Variants in PPP1R10 observed in about 807,000 individuals in gnomAD.
The protein encoded by PPP1R10 is serine/threonine-protein phosphatase 1 regulatory subunit 10.
Under a neutral mutation model 99.0 loss-of-function variants are expected in PPP1R10, and 15 were observed. The ratio of observed to expected loss-of-function variants is 0.15; its 90% confidence interval spans 0.10 to 0.23. The LOEUF is 0.23. Among genes scored for constraint, PPP1R10 ranks in the 10% least tolerant of loss-of-function variants. PPP1R10 has a pLI of 1.00. For synonymous variants in PPP1R10, 430 were observed against 449.5 expected (o/e 0.96, Z 0.55); for missense variants, 947 against 1,259.4 (o/e 0.75, Z 3.75).
chr6:30,604,284 A>AAAGTAAGC lies in PPP1R10; in HGVS notation c.1262-38_1262-31dup. 6.2e-7 allele frequency: 1 copy of AAAGTAAGC among 1,613,836 alleles called. No individual in the cohort carries two copies. The highest frequency in any genetic ancestry group is 8.5e-7 in the Non-Finnish European group (1 of 1,179,716). On this transcript the variant is annotated intron_variant, in intron 13 of 19. Coordinates refer to ENST00000376511, the MANE Select transcript of PPP1R10 (RefSeq NM_002714.4). The surrounding 1 kb of genome is among the most constrained non-coding windows in gnomAD (Gnocchi z 7.3). ...CGGCAGGGGAAGAAAAGCAAGAGGG[A>AAAGTAAGC]AAGTAAGCACAACCAAGTCCTTTCA... is the stretch of plus-strand genomic sequence containing the variant.
chr6:30,610,268 G>A (rs546188523), intron 2 of PPP1R10, among the ~76,000 whole-genome samples: 18 of 152,208 alleles, frequency 1.2e-4, no homozygotes, highest in South Asian at 2.1e-4. Flanking sequence ...TCACTAGATC[G>A]TATTAAAGCT....
rs759441488 is a variant in PPP1R10 at position 30,609,975 on chromosome 6, C to T, written c.-11-20G>A. On this transcript the variant is annotated intron_variant, in intron 2 of 19. Coordinates refer to ENST00000376511, the MANE Select transcript of PPP1R10 (RefSeq NM_002714.4). This position sits in a 1 kb window ranked among gnomAD's most constrained non-coding sequence, Gnocchi z 4.5. ...TGGTTTCTATGGTAAGAGGACAAAA[C>T]AAACAAACCCACAGAATAAATGGGT... The T allele has an allele frequency of 1.3e-6, 2 of 1,539,456 alleles. No homozygotes were observed. The highest frequency in any genetic ancestry group is 2.2e-5 in the East Asian group (1 of 44,500).
intron 2 of PPP1R10, among the ~76,000 whole-genome samples, chr6:30,615,226 TA>T (rs1374350698): frequency 7.2e-6 from 1 of 138,408 alleles, no homozygotes. Flanking sequence ...AACACCTTTT[TA>T]GTAAAAAAAA....
chr6:30,601,850 C>CT, intron 19 of PPP1R10, 86 bp downstream of exon 19: 1 of 1,431,796 alleles, frequency 7.0e-7, no homozygotes, highest in South Asian at 1.4e-5. Flanking sequence ...TTCTGCCTAG[C>CT]TACCAACAGT....
At position 30,601,562 on chromosome 6, in the gene PPP1R10, G is replaced by A; in HGVS notation, c.2810C>T (p.Pro937Leu). 2.5e-6 allele frequency: 4 copies of A among 1,614,006 alleles called. No individual in the cohort carries two copies. Among genetic ancestry groups the A allele is most frequent in the Non-Finnish European group, 3.4e-6 (4 of 1,179,918 alleles). The change falls in exon 20 of 20, where the codon CCC (proline) becomes CTC (leucine). Residue 937 changes from proline to leucine, a missense_variant. Pro to Leu is a moderately conservative substitution (Grantham distance 98). This residue lies in a region of PPP1R10 where 17 missense variants were observed against 46.4 expected (regional missense o/e 0.37). Coordinates refer to ENST00000376511, the MANE Select transcript of PPP1R10 (RefSeq NM_002714.4). The part of the protein sequence containing the change: ...CAFYHPGVNG[P>L]PLP The stretch of plus-strand genomic sequence containing the variant: ...GGCAAATGGTCCCTAGGGCAGGGGG[G>A]GCCCATTGACACCCGGGTGGTAGAA...
rs773526968 is a variant in PPP1R10, at chr6:30,602,244, C to G, written c.2405G>C (p.Gly802Ala). ...GCCACCACTGATGCCACCGCCAGGG[C>G]CTTCGTGGGGACGATGTCCTCCACC... ...GGGGGHRPHE[G>A]PGGGISGGSG... Residue 802 changes from glycine (G) to alanine (A), a missense_variant, in exon 19 of 20, where the codon GGC (glycine) becomes GCC (alanine). This residue lies in a region of PPP1R10 where 525 missense variants were observed against 578.8 expected (regional missense o/e 0.91). Coordinates refer to ENST00000376511, the MANE Select transcript of PPP1R10 (RefSeq NM_002714.4). The surrounding 1 kb of genome is among the most constrained non-coding windows in gnomAD (Gnocchi z 6.7). The G allele has an allele frequency of 4.3e-6, 7 of 1,612,122 alleles. No homozygotes were observed. Among genetic ancestry groups the G allele is most frequent in the Non-Finnish European group, 5.9e-6 (7 of 1,179,458 alleles).
intron 2 of PPP1R10, among the ~76,000 whole-genome samples, chr6:30,614,851 T>C (rs571333402): frequency 3.1e-4 from 47 of 152,248 alleles, no homozygotes; most frequent in African/African-American, 1.1e-3. Flanking sequence ...CTATAAAAAC[T>C]AGAACTACAC....
intron 17 of PPP1R10, 109 bp from the exon 18 acceptor site, chr6:30,603,068 GCT>G (rs1366529939): frequency 1.2e-5 from 16 of 1,365,454 alleles, no homozygotes; most frequent in East Asian, 4.8e-5. Context: ...GCAGAGCAAT[GCT>G]CTCTCTGTCC....
intron 15 of PPP1R10, 42 bp from the exon 16 acceptor site, chr6:30,603,708 A>G (rs1803619688): frequency 6.4e-7 from 1 of 1,556,140 alleles, no homozygotes; most frequent in South Asian, 1.2e-5. Flanking sequence ...CAGAACAGAG[A>G]CATTCTCATA....
rs1760638765 is a variant in PPP1R10, at chr6:30,616,904, C to G, written c.-438G>C. On this transcript the variant is annotated 5_prime_UTR_variant, in exon 2 of 20. Coordinates refer to ENST00000376511, the MANE Select transcript of PPP1R10 (RefSeq NM_002714.4). ...TGGTGGCTGCTGTTTTCCCTTTCCC[C>G]CCTCTCTCAGGATCCTTTCAAGGGC... The G allele has an allele frequency of 6.6e-6, 1 of 152,208 alleles. No individual in the cohort carries two copies. Among genetic ancestry groups the G allele is most frequent in the Non-Finnish European group, 1.5e-5 (1 of 68,076 alleles). 9.4% of individuals were successfully genotyped at this position (152,208 alleles called of 1,614,324 possible).
intron 19 of PPP1R10, 131 bp from the exon 20 acceptor site, chr6:30,601,789 G>A: frequency 7.7e-7 from 1 of 1,307,052 alleles, no homozygotes; most frequent in Non-Finnish European, 1.0e-6. Flanking sequence ...GAAGGGCATA[G>A]AGTAGGAACT....
chr6:30,603,138 TG>T (rs1803547935), intron 17 of PPP1R10, 71 bp downstream of exon 17: 1 of 1,526,608 alleles, frequency 6.6e-7, no homozygotes, highest in Non-Finnish European at 9.1e-7. Context: ...TCTGCATCTT[TG>T]AAACCCTGCT....
intron 2 of PPP1R10, among the ~76,000 whole-genome samples, chr6:30,613,328 T>C (rs559383716): frequency 6.6e-6 from 1 of 152,208 alleles, no homozygotes; most frequent in African/African-American, 2.4e-5. Flanking sequence ...AAAAAATAAC[T>C]GTCTTCTAAC....
intron 2 of PPP1R10, among the ~76,000 whole-genome samples, chr6:30,614,802 G>A (rs1396189685): frequency 6.6e-6 from 1 of 152,182 alleles, no homozygotes; most frequent in Non-Finnish European, 1.5e-5. Context: ...ATTACAAGCA[G>A]TTGTGATGAG....
At position 30,602,106 on chromosome 6, in the gene PPP1R10, T is replaced by C. The variant is rs1803382922; in HGVS notation, c.2543A>G (p.His848Arg). The C allele has an allele frequency of 1.9e-6, 3 of 1,600,220 alleles. No homozygotes were observed. The highest frequency in any genetic ancestry group is 2.2e-5 in the East Asian group (1 of 44,724). Residue 848 changes from histidine to arginine, a missense_variant, in exon 19 of 20, where the codon CAT becomes CGT. Around this residue, in one of 10 missense-constraint regions of PPP1R10, gnomAD observed 525 missense variants for 578.8 expected, o/e 0.91. Coordinates refer to ENST00000376511, the MANE Select transcript of PPP1R10 (RefSeq NM_002714.4). The surrounding 1 kb of genome is among the most constrained non-coding windows in gnomAD (Gnocchi z 6.7). ...GGGCCCCCCGTGTCCAGGGCCTTCA[T>C]GGGGACGATGTCCACCACTTCCACC... ...SMGGSGGHRP[H>R]EGPGHGGPHG...
Position 30,616,780 on chromosome 6 carries a change from G to C in PPP1R10, c.-314C>G, listed in dbSNP as rs1288200063. The C allele has an allele frequency of 6.6e-6, 1 of 152,196 alleles. No homozygotes were observed. The highest frequency in any genetic ancestry group is 2.4e-5 in the African/African-American group (1 of 41,424). 9.4% of individuals were successfully genotyped at this position (152,196 alleles called of 1,614,324 possible). A position where few individuals can be genotyped will look rare whatever the true frequency, so the allele number is the denominator to read the frequency against. On this transcript the variant is annotated 5_prime_UTR_variant, in exon 2 of 20. Coordinates refer to ENST00000376511, the MANE Select transcript of PPP1R10 (RefSeq NM_002714.4). ...GGTTGATTATTTTTGAAGTTATGTA[G>C]TGACGGTCCTTCGGCCACAGATTTC...
rs1045167458 is a variant in PPP1R10 at position 30,603,551 on chromosome 6, C to T, written c.1688G>A (p.Gly563Glu). The T allele has an allele frequency of 3.1e-6, 5 of 1,613,920 alleles. No homozygotes were observed. The Admixed American group carries it at 6.7e-5, about 22-fold the overall frequency. The change falls in exon 16 of 20, where the codon GGA (glycine) becomes GAA (glutamate). Residue 563 changes from glycine to glutamate, a missense_variant. Gly to Glu is a moderately conservative substitution (Grantham distance 98). Around this residue, in one of 10 missense-constraint regions of PPP1R10, gnomAD observed 525 missense variants for 578.8 expected, o/e 0.91. Coordinates refer to ENST00000376511, the MANE Select transcript of PPP1R10 (RefSeq NM_002714.4). ...KLPPVLANLM[G>E]SMGAGKGPQG... is the part of the protein sequence containing the mutation. Reference sequence around the variant, plus strand: ...GGGGCCCTTTCCAGCACCCATGCTTCCCATAAGATTGGCCAGAACTGGAGG... The same window carrying T: ...GGGGCCCTTTCCAGCACCCATGCTTTCCATAAGATTGGCCAGAACTGGAGG...
chr6:30,609,443 C>G lies in PPP1R10; in HGVS notation c.108-280G>C, dbSNP rs1296965753. On this transcript the variant is annotated intron_variant, in intron 3 of 19. Coordinates refer to ENST00000376511, the MANE Select transcript of PPP1R10 (RefSeq NM_002714.4). This position sits in a 1 kb window ranked among gnomAD's most constrained non-coding sequence, Gnocchi z 4.5. ...TCTGCCTCCAGGTGATAAGGCTATC[C>G]CTCAACAACTGTCCCTAATAGTCTG... Among the ~76,000 whole-genome samples, 2 of 152,118 alleles carry G rather than the reference C, an allele frequency of 1.3e-5. No individual in the cohort carries two copies. Among genetic ancestry groups the G allele is most frequent in the African/African-American group, 4.8e-5 (2 of 41,416 alleles).
chr6:30,614,302 A>G (rs981802475), intron 2 of PPP1R10, among the ~76,000 whole-genome samples: 4 of 149,508 alleles, frequency 2.7e-5, no homozygotes, highest in African/African-American at 9.8e-5. Flanking sequence ...TCTTTGGGGA[A>G]AAAAAAAAAA....
Sources: gnomAD v4.1 joint callset for allele counts (sites outside exome capture counted in the v4.1 genomes callset) on GRCh38, gnomAD v4.1.1 for gene constraint, gnomAD v4.1.1 regional missense constraint, Gnocchi (gnomAD v3.1) non-coding constraint, MANE v1.5 for transcripts, NCBI Gene and HGNC (gene_info 2026-07-23, HGNC 2026-07-21) for gene names.